The following KLF12 variants were observed in gnomAD, a reference collection of about 807,000 sequenced individuals.
KLF12 encodes Krueppel-like factor 12.
Under a neutral mutation model 37.8 loss-of-function variants are expected in KLF12, and 9 were observed. The ratio of observed to expected loss-of-function variants is 0.24; its 90% CI spans 0.14 to 0.42. The LOEUF (loss-of-function observed/expected upper bound fraction) is 0.42, where lower values mean the gene tolerates loss of function less well. Ranked by LOEUF, KLF12 falls within the 10% of genes least tolerant of loss-of-function variation. The pLI is 1.00. For synonymous variants in KLF12, 208 were observed against 202.1 expected, an observed-to-expected ratio of 1.03 and a Z score of -0.25; for missense variants, 411 against 516.0, an observed-to-expected ratio of 0.80 and a Z score of 1.97.
intron 6 of KLF12, among the ~76,000 whole-genome samples, chr13:73,760,272 A>G (rs1251758653): frequency 6.6e-6 from 1 of 152,184 alleles, no homozygotes; most frequent in African/African-American, 2.4e-5. Flanking sequence ...GGCAGCATCC[A>G]ATTGGTTAGA....
intron 6 of KLF12, among the ~76,000 whole-genome samples, chr13:73,762,047 G>C (rs1375674743): frequency 2.6e-5 from 4 of 152,166 alleles, no homozygotes; most frequent in Non-Finnish European, 5.9e-5. Flanking sequence ...AATACTAAAT[G>C]AGTTGTACAA....
chr13:74,228,149 C>T, the KLF12 span, among the ~76,000 whole-genome samples: 9 of 152,084 alleles, frequency 5.9e-5, no homozygotes, highest in African/African-American at 2.2e-4. Flanking sequence ...TACCTGTCTA[C>T]TTGGATGAGC....
intron 3 of KLF12, among the ~76,000 whole-genome samples, chr13:73,888,169 ATCT>A (rs1411332630): frequency 6.6e-6 from 1 of 152,028 alleles, no homozygotes; most frequent in African/African-American, 2.4e-5. Flanking sequence ...AGCCTAGCTA[ATCT>A]TCTGTATTTT....
At chr13:74,192,515 A>T in the KLF12 span, among the ~76,000 whole-genome samples, 1 of 152,214 alleles carries the variant, frequency 6.6e-6, no homozygotes, top group African/African-American at 2.4e-5. Flanking sequence ...TGATTTATGC[A>T]TATTTATTAT....
chr13:74,144,745 C>T, the KLF12 span, among the ~76,000 whole-genome samples: 3 of 152,112 alleles, frequency 2.0e-5, no homozygotes, highest in African/African-American at 7.2e-5. Context: ...CGGAGAATGT[C>T]TGTTTAGTTA....
chr13:74,042,338 G>C (rs1305052788), intron 1 of KLF12, among the ~76,000 whole-genome samples: 1 of 151,762 alleles, frequency 6.6e-6, no homozygotes, highest in Non-Finnish European at 1.5e-5. Context: ...TTATCTACTG[G>C]CCACTGGCTA....
chr13:74,195,831 G>T, the KLF12 span, among the ~76,000 whole-genome samples: 1 of 152,146 alleles, frequency 6.6e-6, no homozygotes, highest in East Asian at 1.9e-4. Context: ...TAATCAGCTC[G>T]CCTTGGCCTC....
At chr13:73,700,408 A>C (rs950181508) in intron 7 of KLF12, among the ~76,000 whole-genome samples, 2 of 151,988 alleles carry the variant, frequency 1.3e-5, no homozygotes, top group Admixed American at 1.3e-4. Context: ...AGGGGGAAGA[A>C]AGTATATCAG....
At chr13:73,737,961 G>C (rs537861636) in intron 6 of KLF12, among the ~76,000 whole-genome samples, 16 of 138,472 alleles carry the variant, frequency 1.2e-4, no homozygotes, top group Middle Eastern at 3.7e-3. Flanking sequence ...GCAGATGTGA[G>C]AAACAGCTTA....
intron 7 of KLF12, among the ~76,000 whole-genome samples, chr13:73,697,942 C>A (rs1259703154): frequency 6.6e-6 from 1 of 152,000 alleles, no homozygotes; most frequent in Admixed American, 6.6e-5. Flanking sequence ...CACTTCAGGC[C>A]AGGAGTTCAA....
At chr13:73,775,446 G>C (rs933854268) in intron 5 of KLF12, among the ~76,000 whole-genome samples, 1 of 152,126 alleles carries the variant, frequency 6.6e-6, no homozygotes, top group Non-Finnish European at 1.5e-5. Context: ...CTATATCATG[G>C]AACTGACATT....
chr13:73,720,376 G>T (rs1876146781), intron 6 of KLF12, among the ~76,000 whole-genome samples: 1 of 90,716 alleles, frequency 1.1e-5, no homozygotes, highest in Non-Finnish European at 2.8e-5. Flanking sequence ...GAATGGGAAT[G>T]TGCAAGTAAC....
intron 3 of KLF12, among the ~76,000 whole-genome samples, chr13:73,928,488 T>C (rs922537125): frequency 1.3e-5 from 2 of 152,218 alleles, no homozygotes; most frequent in African/African-American, 4.8e-5. Context: ...AAGCAGTACT[T>C]GTTGCTATTT....
At chr13:74,241,669 C>A in the KLF12 span, among the ~76,000 whole-genome samples, 36 of 147,600 alleles carry the variant, frequency 2.4e-4, no homozygotes, top group African/African-American at 4.8e-4. Flanking sequence ...GTTTTTTAAG[C>A]CCGTCGGAAA....
Position 73,916,255 on chromosome 13 carries a change from A to G in KLF12, c.123+27726T>C, listed in dbSNP as rs904098794. On this transcript the variant is annotated intron_variant, in intron 3 of 7. Coordinates refer to ENST00000377669, the MANE Select transcript of KLF12 (RefSeq NM_007249.5). ...CACACACACACGCACACGCACACAC[A>G]CACACACACACAGCTTTAAAGTGTT... 3.2e-4 allele frequency among the ~76,000 whole-genome samples: 49 copies of G among 151,446 alleles called. 1 individual carries two copies. In the South Asian group the frequency reaches 6.7e-3, roughly 21 times the overall value.
rs67945624 is a variant in KLF12 at position 73,953,970 on chromosome 13, CTTTTTTTTTTTTTTTTTT to C, written c.34-9918_34-9901del. On this transcript the variant is annotated intron_variant, in intron 2 of 7. Coordinates refer to ENST00000377669, the MANE Select transcript of KLF12 (RefSeq NM_007249.5). ...AGTAATTAGGTTTTGTTTTTTCTTT[CTTTTTTTTTTTTTTTTTT>C]TTTTTTTTGAGACGGAGTCTCACTC... 1.0e-4 allele frequency among the ~76,000 whole-genome samples: 9 copies of C among 88,534 alleles called. No individual in the cohort carries two copies. In the East Asian group the frequency reaches 2.8e-3, roughly 27 times the overall value. The allele number at this position is 88,534 out of a possible 152,430, so 58.1% of individuals were successfully genotyped here. A position where few individuals can be genotyped will look rare whatever the true frequency, so the allele number is the denominator to read the frequency against.
chr13:73,897,895 T>G (rs1887861116), intron 3 of KLF12, among the ~76,000 whole-genome samples: 1 of 152,240 alleles, frequency 6.6e-6, no homozygotes, highest in South Asian at 2.1e-4. Context: ...GTGGTTTCTG[T>G]TTATTCCTCT....
At chr13:74,205,737 C>T in the KLF12 span, among the ~76,000 whole-genome samples, 255 of 152,146 alleles carry the variant, frequency 1.7e-3, no homozygotes, top group Non-Finnish European at 2.8e-3. Flanking sequence ...GCAGCTGGAG[C>T]AGAAACTCAT....
At chr13:74,209,082 A>C in the KLF12 span, among the ~76,000 whole-genome samples, 1 of 152,150 alleles carries the variant, frequency 6.6e-6, no homozygotes, top group Non-Finnish European at 1.5e-5. Context: ...TATTAAAAAA[A>C]AGTCTCGACA....
Sources: gnomAD v4.1 joint callset for allele counts (sites outside exome capture counted in the v4.1 genomes callset) on GRCh38, gnomAD v4.1.1 for gene constraint, MANE v1.5 for transcripts, NCBI Gene and HGNC (gene_info 2026-07-23, HGNC 2026-07-21) for gene names.